Variants in CD70 observed in about 807,000 individuals in gnomAD.
The protein encoded by CD70 is CD70 molecule.
In CD70, 6 loss-of-function variants were observed where a neutral mutation model predicts 9.0. That is an observed-to-expected ratio of 0.67 (90% CI 0.37 to 1.32). The LOEUF (loss-of-function observed/expected upper bound fraction) is 1.32. CD70 is among the 40% of genes most tolerant of loss of function. CD70 has a pLI of 0.02. For missense variants in CD70, 235 were observed against 258.7 expected (o/e 0.91, Z 0.63); for synonymous variants, 108 against 112.3 (o/e 0.96, Z 0.24).
Position 6,590,896 on chromosome 19 carries a change from A to T in CD70, c.107T>A (p.Val36Glu). The T allele has an allele frequency of 6.2e-7, 1 of 1,614,094 alleles. No individual in the cohort carries two copies. The highest frequency in any genetic ancestry group is 8.5e-7 in the Non-Finnish European group (1 of 1,180,002). Residue 36 changes from valine (V) to glutamate (E), a missense_variant, in exon 1 of 3, where the codon GTG (valine) becomes GAG (glutamate). By Grantham distance (121) the Val-to-Glu change is moderately radical. Transcript: ENST00000245903. This position sits in a 1 kb window ranked among gnomAD's most constrained non-coding sequence, Gnocchi z 5.3. ...AGCCTGTGCGAAGCGCTGGATGCAC[A>T]CCACGAGGCAGATCACCAAGCCCGC... ...LVAGLVICLV[V>E]CIQRFAQAQQ...
At position 6,586,079 on chromosome 19, in the gene CD70, G is replaced by C. The variant is rs950733583; in HGVS notation, c.523C>G (p.Leu175Val). ...DTLCTNLTGT[L>V]LPSRNTDETF... ...TCATCAGTGTTTCGGGAAGGCAAAAGTGTCCCAGTGAGGTTGGTGCAGAGT... is the reference window on the plus strand; with the variant it reads ...TCATCAGTGTTTCGGGAAGGCAAAACTGTCCCAGTGAGGTTGGTGCAGAGT... Residue 175 changes from leucine to valine, a missense_variant, in exon 3 of 3, where the codon CTT (leucine) becomes GTT (valine). Leu to Val is a conservative substitution (Grantham distance 32). Transcript: ENST00000245903. The C allele has an allele frequency of 6.2e-6, 10 of 1,614,018 alleles. No individual in the cohort carries two copies. The highest frequency in any genetic ancestry group is 5.0e-5 in the Admixed American group (3 of 60,004).
chr19:6,584,532 C>T (rs1365189661), downstream of CD70, among the ~76,000 whole-genome samples: 1 of 149,738 alleles, frequency 6.7e-6, no homozygotes, highest in Non-Finnish European at 1.5e-5. Context: ...TAATCCTGTA[C>T]ACCATCTTTA....
chr19:6,584,404 C>T (rs1408960365), downstream of CD70, among the ~76,000 whole-genome samples: 5 of 151,676 alleles, frequency 3.3e-5, no homozygotes, highest in Admixed American at 2.0e-4. Context: ...ACTTGGGAGG[C>T]TGAGGCAGAA....
chr19:6,590,986 G>A lies in CD70; in HGVS notation c.17C>T (p.Ser6Leu), dbSNP rs1916146710. MPEEG[S>L]GCSVRRRPYG... ...GGGCCTGCGCCGCACCGAGCAGCCC[G>A]AACCCTCCTCCGGCATCGCCGCGGC... Residue 6 changes from serine to leucine, a missense_variant, in exon 1 of 3, where the codon TCG becomes TTG. Ser to Leu is a moderately radical substitution (Grantham distance 145). Transcript: ENST00000245903. This position sits in a 1 kb window ranked among gnomAD's most constrained non-coding sequence, Gnocchi z 5.3. 6.2e-7 allele frequency: 1 copy of A among 1,603,372 alleles called. No homozygotes were observed. Among genetic ancestry groups the A allele is most frequent in the Admixed American group, 1.7e-5 (1 of 58,388 alleles).
At chr19:6,585,347 C>CT (rs3055533), downstream of CD70, among the ~76,000 whole-genome samples, 839 of 134,000 alleles carry the variant, frequency 6.3e-3, 1 homozygote, top group Non-Finnish European at 9.8e-3. Context: ...GAAAACAGAA[C>CT]TTTTTTTTTT....
At chr19:6,586,967 T>G (rs1046902633) in intron 2 of CD70, among the ~76,000 whole-genome samples, 7 of 134,338 alleles carry the variant, frequency 5.2e-5, no homozygotes, top group African/African-American at 2.0e-4. Flanking sequence ...GAGAGATATA[T>G]AGAGAGAGAA....
intron 2 of CD70, among the ~76,000 whole-genome samples, 190 bp downstream of exon 2, chr19:6,589,891 TCTCTCCCTCCCTTTCTCTGGGC>T (rs1245260798): frequency 6.7e-6 from 1 of 149,882 alleles, no homozygotes; most frequent in African/African-American, 2.5e-5. Context: ...CTTTTTTCTG[TCTCTCCCTCCCTTTCTCTGGGC>T]CTCTCCCTCC....
chr19:6,589,540 C>A (rs529780369), intron 2 of CD70, among the ~76,000 whole-genome samples: 25 of 152,106 alleles, frequency 1.6e-4, no homozygotes, highest in African/African-American at 6.0e-4. Context: ...CAGGTGCCTG[C>A]CACCACACCC....
At position 6,590,099 on chromosome 19, in the gene CD70, T is replaced by G; in HGVS notation, c.196+4A>C. 1.9e-6 allele frequency: 3 copies of G among 1,612,936 alleles called. No homozygotes were observed. The highest frequency in any genetic ancestry group is 1.7e-6 in the Non-Finnish European group (2 of 1,179,112). On this transcript the variant is annotated splice_donor_region_variant and intron_variant, in intron 2 of 2. Coordinates refer to ENST00000245903, the MANE Select transcript of CD70 (RefSeq NM_001252.5). The surrounding 1 kb of genome is among the most constrained non-coding windows in gnomAD (Gnocchi z 5.3). ...TCCCCGTCCCTCCACGTCCCCCGTG[T>G]TACCTGTGTGATTCAGCTGCAGCTC...
At chr19:6,583,565 TTTTTTTTTTTTTA>T (rs2145317362), downstream of CD70, 11 of 190,022 alleles carry the variant, frequency 5.8e-5, no homozygotes, top group East Asian at 1.2e-3. Flanking sequence ...TTTTTTTTTT[TTTTTTTTTTTTTA>T]AAGACAGTCT....
downstream of CD70, among the ~76,000 whole-genome samples, chr19:6,585,015 G>A (rs76050371): frequency 5.9e-5 from 9 of 152,144 alleles, no homozygotes; most frequent in East Asian, 1.7e-3. Context: ...ATGGTGGTTT[G>A]CGACACCCCT....
At chr19:6,589,886 T>C (rs1049513067) in intron 2 of CD70, among the ~76,000 whole-genome samples, 4 of 150,552 alleles carry the variant, frequency 2.7e-5, no homozygotes, top group African/African-American at 9.8e-5. Context: ...CTGTTCTTTT[T>C]TCTGTCTCTC....
chr19:6,581,976 A>G (rs1915924889), downstream of CD70, among the ~76,000 whole-genome samples: 1 of 128,618 alleles, frequency 7.8e-6, no homozygotes, highest in Non-Finnish European at 1.9e-5. Flanking sequence ...GAGAAACTGG[A>G]CAAACGAAGG....
At chr19:6,587,193 GGAGA>G (rs556473991) in intron 2 of CD70, among the ~76,000 whole-genome samples, 2 of 119,750 alleles carry the variant, frequency 1.7e-5, no homozygotes, top group African/African-American at 6.3e-5. Flanking sequence ...AGATCATGAG[GGAGA>G]GAGAGCATGA....
chr19:6,589,955 G>A lies in CD70; in HGVS notation c.196+148C>T, dbSNP rs530736079. The A allele has an allele frequency of 1.2e-5, 6 of 496,454 alleles. No individual in the cohort carries two copies. The East Asian group carries it at 1.2e-4, about 10-fold the overall frequency. The allele number at this position is 496,454 out of a possible 1,614,324, so 30.8% of individuals were successfully genotyped here. ...GTCTTCTCTCTGTCTCCCCCTCTCC[G>A]TTTCCCTCCCTATCTCTCCCTCCCT... On this transcript the variant is annotated intron_variant, in intron 2 of 2. Transcript: ENST00000245903.
chr19:6,589,822 GTTTCTTTC>G (rs966761951), intron 2 of CD70, among the ~76,000 whole-genome samples: 1 of 117,480 alleles, frequency 8.5e-6, no homozygotes, highest in Non-Finnish European at 1.8e-5. Context: ...GTCTCTCCCT[GTTTCTTTC>G]TTTCCCCTTC....
chr19:6,589,450 C>T (rs1407167050), intron 2 of CD70, among the ~76,000 whole-genome samples: 1 of 151,456 alleles, frequency 6.6e-6, no homozygotes, highest in Non-Finnish European at 1.5e-5. Context: ...AGAGCAGTGC[C>T]ATTATCTTGG....
At chr19:6,584,990 A>G (rs1915987079), downstream of CD70, among the ~76,000 whole-genome samples, 1 of 151,918 alleles carries the variant, frequency 6.6e-6, no homozygotes, top group Non-Finnish European at 1.5e-5. Flanking sequence ...TCCATTACAT[A>G]GTTAAATGTG....
chr19:6,587,872 A>G (rs117827127), intron 2 of CD70, among the ~76,000 whole-genome samples: 254 of 151,880 alleles, frequency 1.7e-3, no homozygotes, highest in Non-Finnish European at 3.2e-3. Context: ...ATGACCAGCT[A>G]ATTTTCAAAA....
Sources: gnomAD v4.1 joint callset for allele counts (sites outside exome capture counted in the v4.1 genomes callset) on GRCh38, gnomAD v4.1.1 for gene constraint, Gnocchi (gnomAD v3.1) non-coding constraint, MANE v1.5 for transcripts, NCBI Gene and HGNC (gene_info 2026-07-23, HGNC 2026-07-21) for gene names.